SUPT20H: variants seen among roughly 807,000 people sequenced by gnomAD.
The protein encoded by SUPT20H is transcription factor SPT20 homolog.
In SUPT20H, 82 loss-of-function variants were observed where a neutral mutation model predicts 122.8. The ratio of observed to expected loss-of-function variants is 0.67; its 90% CI spans 0.56 to 0.80. The LOEUF (loss-of-function observed/expected upper bound fraction) is 0.80. Among genes scored for constraint, SUPT20H ranks in the 30% least tolerant of loss-of-function variants. SUPT20H has a pLI of 0.00. For synonymous variants in SUPT20H, 291 were observed against 313.0 expected, an observed-to-expected ratio of 0.93 and a Z score of 0.74; for missense variants, 831 against 921.6, an observed-to-expected ratio of 0.90 and a Z score of 1.27.
chr13:37,011,544 A>G (rs1352182897), intron 24 of SUPT20H, among the ~76,000 whole-genome samples: 1 of 152,116 alleles, frequency 6.6e-6, no homozygotes, highest in Non-Finnish European at 1.5e-5. Context: ...TAGTTTTCTT[A>G]TACATATGGC....
Position 37,037,169 on chromosome 13 carries a change from C to A in SUPT20H, c.567+3236G>T, listed in dbSNP as rs138313255. Reference sequence around the variant, plus strand: ...CTGAGATTGTGCCAATGCACTGCAACCTGAGTTGCAACCTGACTCTGCCTC... The same window carrying A: ...CTGAGATTGTGCCAATGCACTGCAAACTGAGTTGCAACCTGACTCTGCCTC... On this transcript the variant is annotated intron_variant, in intron 9 of 25. Coordinates refer to ENST00000350612, the MANE Select transcript of SUPT20H (RefSeq NM_001014286.3). 7.3e-3 allele frequency among the ~76,000 whole-genome samples: 1,076 copies of A among 146,932 alleles called. 2 individuals carry two copies. Among genetic ancestry groups the A allele is most frequent in the Non-Finnish European group, 0.011 (748 of 67,418 alleles).
chr13:37,023,383 C>T (rs764993841), intron 19 of SUPT20H, among the ~76,000 whole-genome samples: 1 of 152,128 alleles, frequency 6.6e-6, no homozygotes, highest in East Asian at 1.9e-4. Flanking sequence ...CAGATATTTA[C>T]TAATTTGAAG....
At position 37,048,018 on chromosome 13, in the gene SUPT20H, G is replaced by C. The variant is rs1170939034; in HGVS notation, c.40-82C>G. ...TGTATTGAGTATATCTAAAACATAC[G>C]TAAGGCTAAAAAGGCTATTCACTTA... On this transcript the variant is annotated intron_variant, in intron 3 of 25. Transcript: ENST00000350612. 3.9e-6 allele frequency: 4 copies of C among 1,015,378 alleles called. No homozygotes were observed. The East Asian group carries it at 1.1e-4, about 28-fold the overall frequency. The allele number at this position is 1,015,378 out of a possible 1,614,324, so 62.9% of individuals were successfully genotyped here. A position where few individuals can be genotyped will look rare whatever the true frequency, so the allele number is the denominator to read the frequency against.
chr13:37,043,570 G>A (rs914868011), intron 7 of SUPT20H, among the ~76,000 whole-genome samples: 10 of 152,054 alleles, frequency 6.6e-5, no homozygotes, highest in African/African-American at 1.9e-4. Context: ...ACGTCTCTAC[G>A]TTTCAGTATA....
At chr13:37,057,880 AAGAG>A (rs1239282491) in intron 1 of SUPT20H, among the ~76,000 whole-genome samples, 4 of 151,780 alleles carry the variant, frequency 2.6e-5, no homozygotes, top group Non-Finnish European at 5.9e-5. Context: ...AGGCTGAGGC[AAGAG>A]AATCACTTGA....
chr13:37,037,688 C>T (rs1440970628), intron 9 of SUPT20H, among the ~76,000 whole-genome samples: 10 of 152,190 alleles, frequency 6.6e-5, no homozygotes, highest in Admixed American at 6.5e-4. Context: ...CTCAACTCAA[C>T]TACATTACAA....
intron 9 of SUPT20H, among the ~76,000 whole-genome samples, chr13:37,036,730 T>C (rs1240309590): frequency 1.3e-5 from 2 of 152,090 alleles, no homozygotes; most frequent in Non-Finnish European, 2.9e-5. Context: ...ACTTTTCCTC[T>C]TCCTCCTCCT....
At chr13:37,050,142 T>C (rs1384536140) in intron 2 of SUPT20H, among the ~76,000 whole-genome samples, 1 of 152,068 alleles carries the variant, frequency 6.6e-6, no homozygotes, top group Non-Finnish European at 1.5e-5. Context: ...TTATCAAATA[T>C]CTAAATATGA....
chr13:37,029,938 T>G, intron 12 of SUPT20H, 102 bp from the exon 13 acceptor site: 1 of 816,878 alleles, frequency 1.2e-6, no homozygotes, highest in South Asian at 2.0e-5. Flanking sequence ...AACTCGACAA[T>G]ACAATATACT....
chr13:37,044,062 G>C lies in SUPT20H; in HGVS notation c.396+16C>G. On this transcript the variant is annotated intron_variant, in intron 7 of 25. Coordinates refer to ENST00000350612, the MANE Select transcript of SUPT20H (RefSeq NM_001014286.3). Reference sequence around the variant, plus strand: ...ATAACAAATATAAAGACATTTTAAAGACAAAAATTTTGTACCTGAGATTTT... The same window carrying C: ...ATAACAAATATAAAGACATTTTAAACACAAAAATTTTGTACCTGAGATTTT... 1 of 1,570,680 alleles carries C rather than the reference G, an allele frequency of 6.4e-7. No homozygotes were observed. The highest frequency in any genetic ancestry group is 2.2e-5 in the East Asian group (1 of 44,446).
chr13:37,053,003 A>T (rs927106532), intron 1 of SUPT20H, among the ~76,000 whole-genome samples: 18 of 152,340 alleles, frequency 1.2e-4, no homozygotes, highest in Non-Finnish European at 7.4e-5. Context: ...AATGGCAGTC[A>T]TTAAAAAGTC....
At chr13:37,051,764 A>G in intron 1 of SUPT20H, 181 bp from the exon 2 acceptor site, 1 of 325,154 alleles carries the variant, frequency 3.1e-6, no homozygotes, top group Non-Finnish European at 5.6e-6. Context: ...CTATCCACTC[A>G]CTGCTGAAAA....
At chr13:37,041,289 G>C (rs986146988) in intron 7 of SUPT20H, among the ~76,000 whole-genome samples, 2 of 152,092 alleles carry the variant, frequency 1.3e-5, no homozygotes, top group Non-Finnish European at 2.9e-5. Flanking sequence ...AGGCCGAGGC[G>C]GGTGGATCAC....
chr13:37,052,580 T>C (rs1192554155), intron 1 of SUPT20H, among the ~76,000 whole-genome samples: 1 of 152,100 alleles, frequency 6.6e-6, no homozygotes, highest in African/African-American at 2.4e-5. Flanking sequence ...ATAAAAACCC[T>C]AGAAGAAAAC....
Position 37,031,590 on chromosome 13 carries a change from A to C in SUPT20H, c.898T>G (p.Leu300Val). The change falls in exon 12 of 26, where the codon TTG becomes GTG. Residue 300 changes from leucine (L) to valine (V), a missense_variant. Physicochemically the swap from Leu to Val is conservative, Grantham distance 32. Coordinates refer to ENST00000350612, the MANE Select transcript of SUPT20H (RefSeq NM_001014286.3). The stretch of plus-strand genomic sequence containing the variant: ...ACATCTACTTCAGAAGGTATGGCCA[A>C]ATTACAGGGACTCCGTTTCCACATA... ...VDMWKRSPCN[L>V]AIPSEVDVEK... The C allele has an allele frequency of 6.4e-7, 1 of 1,564,936 alleles. No individual in the cohort carries two copies. Among genetic ancestry groups the C allele is most frequent in the Non-Finnish European group, 8.6e-7 (1 of 1,164,564 alleles).
rs372863904 is a variant in SUPT20H at position 37,047,620 on chromosome 13, A to C, written c.99-19T>G. On this transcript the variant is annotated intron_variant, in intron 4 of 25. Coordinates refer to ENST00000350612, the MANE Select transcript of SUPT20H (RefSeq NM_001014286.3). ...AGATTTTCTAAAAAAATTTAATGAAACAAATATATAAAATGTTAACAGAGT... is the reference window on the plus strand; with the variant it reads ...AGATTTTCTAAAAAAATTTAATGAACCAAATATATAAAATGTTAACAGAGT... 3.7e-6 allele frequency: 5 copies of C among 1,359,366 alleles called. No individual in the cohort carries two copies. Among genetic ancestry groups the C allele is most frequent in the Non-Finnish European group, 3.9e-6 (4 of 1,013,426 alleles). The allele number at this position is 1,359,366 out of a possible 1,614,324, so 84.2% of individuals were successfully genotyped here. A position where few individuals can be genotyped will look rare whatever the true frequency, so the allele number is the denominator to read the frequency against.
chr13:37,009,431 C>A lies in SUPT20H; in HGVS notation c.*241G>T. The A allele has an allele frequency of 1.4e-6, 1 of 736,840 alleles. No homozygotes were observed. Among genetic ancestry groups the A allele is most frequent in the South Asian group, 1.9e-5 (1 of 52,754 alleles). The allele number at this position is 736,840 out of a possible 1,614,324, so 45.6% of individuals were successfully genotyped here. ...TTTCTATTATTTCTTAGGTCACTTCCATATATATTATGTATAGTGAAACCA... is the reference window on the plus strand; with the variant it reads ...TTTCTATTATTTCTTAGGTCACTTCAATATATATTATGTATAGTGAAACCA... On this transcript the variant is annotated 3_prime_UTR_variant, in exon 26 of 26. Coordinates refer to ENST00000350612, the MANE Select transcript of SUPT20H (RefSeq NM_001014286.3).
At chr13:37,051,640 A>C (rs1484368649) in intron 1 of SUPT20H, 57 bp from the exon 2 acceptor site, 4 of 524,764 alleles carry the variant, frequency 7.6e-6, no homozygotes, top group Non-Finnish European at 1.4e-5. Context: ...AAGAGAAAAA[A>C]AAAGAGATTA....
At chr13:37,058,908 C>T (rs1004277714) in intron 1 of SUPT20H, among the ~76,000 whole-genome samples, 7 of 152,176 alleles carry the variant, frequency 4.6e-5, no homozygotes, top group African/African-American at 1.7e-4. Context: ...GTACACTGTA[C>T]TCGACTCCGA....
Sources: allele counts gnomAD v4.1 joint callset (sites outside exome capture counted in the v4.1 genomes callset), GRCh38; gene constraint gnomAD v4.1.1; transcripts MANE v1.5; gene names NCBI Gene and HGNC (gene_info 2026-07-23, HGNC 2026-07-21).